CLSTN2: variants seen among roughly 807,000 people sequenced by gnomAD.
CLSTN2 encodes calsyntenin 2.
Under a neutral mutation model 101.2 loss-of-function variants are expected in CLSTN2, and 48 were observed. That is an observed-to-expected ratio of 0.47 (90% CI 0.38 to 0.60). CLSTN2 has a LOEUF of 0.60. Ranked by LOEUF, CLSTN2 falls within the 20% of genes least tolerant of loss-of-function variation. The pLI, the probability that CLSTN2 is intolerant of heterozygous loss-of-function variation, is 0.00. For synonymous variants in CLSTN2, 481 were observed against 463.6 expected (o/e 1.04, Z -0.48); for missense variants, 1,160 against 1,238.2 (o/e 0.94, Z 0.95).
At chr3:140,085,763 A>G (rs1283349781) in intron 1 of CLSTN2, among the ~76,000 whole-genome samples, 1 of 152,166 alleles carries the variant, frequency 6.6e-6, no homozygotes, top group African/African-American at 2.4e-5. Context: ...AACAATGTCT[A>G]GAGGGAAAAC....
chr3:140,303,608 G>A (rs1488387838), intron 2 of CLSTN2, among the ~76,000 whole-genome samples: 1 of 151,994 alleles, frequency 6.6e-6, no homozygotes, highest in Non-Finnish European at 1.5e-5. Flanking sequence ...ATATCCAACT[G>A]AAGGTCACTT....
chr3:140,165,659 A>G (rs918043561), intron 1 of CLSTN2, among the ~76,000 whole-genome samples: 10 of 152,158 alleles, frequency 6.6e-5, no homozygotes, highest in African/African-American at 2.4e-4. Flanking sequence ...CTTGGGGCCT[A>G]GGGTAGCCTC....
At chr3:140,523,242 C>A (rs2099020) in intron 8 of CLSTN2, among the ~76,000 whole-genome samples, 1 of 151,954 alleles carries the variant, frequency 6.6e-6, no homozygotes, top group Non-Finnish European at 1.5e-5. Flanking sequence ...TTCTGGGACC[C>A]GAATTCAGAC....
intron 2 of CLSTN2, among the ~76,000 whole-genome samples, chr3:140,310,218 A>G (rs764077703): frequency 1.8e-4 from 28 of 152,028 alleles, no homozygotes; most frequent in Non-Finnish European, 3.8e-4. Flanking sequence ...ATAAACCATA[A>G]ACCTGACTGT....
At chr3:140,206,518 C>T (rs1011120077) in intron 2 of CLSTN2, among the ~76,000 whole-genome samples, 4 of 152,158 alleles carry the variant, frequency 2.6e-5, no homozygotes, top group Non-Finnish European at 5.9e-5. Context: ...TAATACCCAT[C>T]GGCTCTTATC....
rs185549233 is a variant in CLSTN2, at chr3:140,100,957, T to A, written c.110-74994T>A. Among the ~76,000 whole-genome samples the A allele has an allele frequency of 2.3e-4, 35 of 152,220 alleles. No individual in the cohort carries two copies. In the East Asian group the frequency reaches 6.6e-3, roughly 29 times the overall value. ...GTAGCATTGTTGCTGTCCCTTGTAATTAGGATATATCACTACAGGCCTGTG... is the reference window on the plus strand; with the variant it reads ...GTAGCATTGTTGCTGTCCCTTGTAAATAGGATATATCACTACAGGCCTGTG... On this transcript the variant is annotated intron_variant, in intron 1 of 16. Coordinates refer to ENST00000458420, the MANE Select transcript of CLSTN2 (RefSeq NM_022131.3).
intron 1 of CLSTN2, among the ~76,000 whole-genome samples, chr3:140,077,910 G>A (rs1457903402): frequency 1.3e-5 from 2 of 152,136 alleles, no homozygotes; most frequent in Non-Finnish European, 2.9e-5. Context: ...AACCAGATTT[G>A]AGTGTGATTA....
At chr3:140,278,060 A>C (rs1462110946) in intron 2 of CLSTN2, among the ~76,000 whole-genome samples, 2 of 152,156 alleles carry the variant, frequency 1.3e-5, no homozygotes, top group African/African-American at 2.4e-5. Context: ...CTGCCCCCTG[A>C]AGTGTCACAG....
intron 1 of CLSTN2, among the ~76,000 whole-genome samples, chr3:139,961,125 A>G (rs1421471399): frequency 1.3e-5 from 2 of 152,104 alleles, no homozygotes; most frequent in Non-Finnish European, 2.9e-5. Context: ...ACTTTTGTCT[A>G]TTGTTCACAT....
At chr3:139,964,567 G>A (rs1184003381) in intron 1 of CLSTN2, among the ~76,000 whole-genome samples, 2 of 152,114 alleles carry the variant, frequency 1.3e-5, no homozygotes, top group African/African-American at 4.8e-5. Context: ...GCCTTGGCAG[G>A]GGGGTCAAGG....
intron 4 of CLSTN2, among the ~76,000 whole-genome samples, chr3:140,417,728 A>T (rs2088446606): frequency 6.6e-6 from 1 of 152,252 alleles, no homozygotes; most frequent in Admixed American, 6.5e-5. Flanking sequence ...AGAAAAAGAT[A>T]CAGTTGTAAC....
At chr3:139,975,185 G>A (rs1466106856) in intron 1 of CLSTN2, among the ~76,000 whole-genome samples, 4 of 152,184 alleles carry the variant, frequency 2.6e-5, no homozygotes, top group Non-Finnish European at 1.5e-5. Flanking sequence ...GCTTCCTAGA[G>A]CCCTAAGGAG....
intron 15 of CLSTN2, 107 bp downstream of exon 15, chr3:140,563,310 T>C: frequency 2.3e-6 from 3 of 1,300,602 alleles, no homozygotes; most frequent in Middle Eastern, 2.7e-4. Context: ...TGCCCAGAAC[T>C]GAGGGAGGGA....
intron 1 of CLSTN2, among the ~76,000 whole-genome samples, chr3:140,042,640 A>G (rs983487150): frequency 6.6e-6 from 1 of 152,160 alleles, no homozygotes; most frequent in Admixed American, 6.6e-5. Context: ...CATCATTTAC[A>G]TTAGGTATAT....
At chr3:140,153,114 G>A (rs925615615) in intron 1 of CLSTN2, among the ~76,000 whole-genome samples, 1 of 152,198 alleles carries the variant, frequency 6.6e-6, no homozygotes, top group Non-Finnish European at 1.5e-5. Context: ...GAGAAAAGGG[G>A]TTGAGGTTTT....
intron 1 of CLSTN2, among the ~76,000 whole-genome samples, chr3:140,040,473 C>G (rs994362709): frequency 4.6e-5 from 7 of 151,938 alleles, no homozygotes; most frequent in African/African-American, 1.7e-4. Flanking sequence ...GATTCCTCAC[C>G]CCTGGCAAGC....
At chr3:140,384,374 G>C (rs1023169122) in intron 2 of CLSTN2, among the ~76,000 whole-genome samples, 1 of 152,186 alleles carries the variant, frequency 6.6e-6, no homozygotes, top group Non-Finnish European at 1.5e-5. Context: ...GGTCTTTTCT[G>C]CAGGAACCTA....
At chr3:140,027,683 A>G (rs565090239) in intron 1 of CLSTN2, among the ~76,000 whole-genome samples, 2 of 152,140 alleles carry the variant, frequency 1.3e-5, no homozygotes, top group African/African-American at 4.8e-5. Flanking sequence ...CTCATGAGTG[A>G]GCTTTGTGAC....
chr3:140,577,044 CCT>C lies in CLSTN2; in HGVS notation c.*10797_*10798del, dbSNP rs1398128435. On this transcript the variant is annotated 3_prime_UTR_variant, in exon 17 of 17. Transcript: ENST00000458420. ...CCCTCCCCACTCCTTTTCATAGAAT[CCT>C]CTCTCAGGCCTAACTGAGCTGTCAT... The C allele has an allele frequency of 6.6e-6, 1 of 152,160 alleles. No individual in the cohort carries two copies. The highest frequency in any genetic ancestry group is 2.4e-5 in the African/African-American group (1 of 41,432). 9.4% of individuals were successfully genotyped at this position (152,160 alleles called of 1,614,324 possible). A position where few individuals can be genotyped will look rare whatever the true frequency, so the allele number is the denominator to read the frequency against.
Sources: gnomAD v4.1 joint callset for allele counts (sites outside exome capture counted in the v4.1 genomes callset) on GRCh38, gnomAD v4.1.1 for gene constraint, MANE v1.5 for transcripts, NCBI Gene and HGNC (gene_info 2026-07-23, HGNC 2026-07-21) for gene names.